The following SNTB2 variants were observed in gnomAD, a reference collection of about 807,000 sequenced individuals.
SNTB2 encodes the protein syntrophin beta 2.
In SNTB2, 34 loss-of-function variants were observed where a neutral mutation model predicts 46.2. The observed-to-expected ratio is 0.74, with a 90% confidence interval of 0.56 to 0.98. The LOEUF is 0.98. Among genes scored for constraint, SNTB2 ranks in the 50% least tolerant of loss-of-function variants. The pLI is 0.00. For missense variants in SNTB2, 603 were observed against 731.4 expected (o/e 0.82, Z 2.02); for synonymous variants, 290 against 312.6 (o/e 0.93, Z 0.76).
chr16:69,271,532 T>C (rs77746419), intron 4 of SNTB2, among the ~76,000 whole-genome samples: 2,227 of 152,324 alleles, frequency 0.015, 62 homozygotes, highest in African/African-American at 0.052. Flanking sequence ...CTTAGTTGAA[T>C]TAAATTATTT....
At chr16:69,263,795 A>T (rs1187856123) in intron 3 of SNTB2, among the ~76,000 whole-genome samples, 2 of 152,006 alleles carry the variant, frequency 1.3e-5, no homozygotes, top group Non-Finnish European at 2.9e-5. Flanking sequence ...AGTTTTTTTA[A>T]GCATTTGAGT....
intron 4 of SNTB2, 143 bp downstream of exon 4, chr16:69,270,428 T>G: frequency 8.9e-6 from 8 of 895,678 alleles, no homozygotes; most frequent in Non-Finnish European, 1.3e-5. Flanking sequence ...AAATTTTTTG[T>G]TTTACAACCT....
chr16:69,292,848 T>C (rs1965187767), intron 5 of SNTB2, among the ~76,000 whole-genome samples: 1 of 152,016 alleles, frequency 6.6e-6, no homozygotes, highest in Non-Finnish European at 1.5e-5. Context: ...GGGAGCTTCT[T>C]AGAACGCCAT....
At chr16:69,247,852 C>G (rs1964685597) in intron 2 of SNTB2, among the ~76,000 whole-genome samples, 1 of 152,186 alleles carries the variant, frequency 6.6e-6, no homozygotes, top group Non-Finnish European at 1.5e-5. Context: ...CACAATGGCT[C>G]ACATCTGTAA....
At chr16:69,257,715 G>GA (rs1334334089) in intron 2 of SNTB2, among the ~76,000 whole-genome samples, 2 of 152,154 alleles carry the variant, frequency 1.3e-5, no homozygotes, top group Non-Finnish European at 2.9e-5. Context: ...AAAGTGCTGG[G>GA]ATTACAGGCG....
At chr16:69,227,841 ATT>A (rs60387965) in intron 1 of SNTB2, among the ~76,000 whole-genome samples, 2,955 of 115,820 alleles carry the variant, frequency 0.026, 100 homozygotes, top group African/African-American at 0.083. Flanking sequence ...GTTTCTCTGG[ATT>A]TTTTTTTTTT....
intron 1 of SNTB2, among the ~76,000 whole-genome samples, chr16:69,222,973 G>A (rs1964421525): frequency 6.6e-6 from 1 of 151,668 alleles, no homozygotes; most frequent in South Asian, 2.1e-4. Flanking sequence ...TAGTAGAGAT[G>A]AGGTTTCACC....
At chr16:69,242,387 C>A (rs1466822461) in intron 1 of SNTB2, among the ~76,000 whole-genome samples, 2 of 152,060 alleles carry the variant, frequency 1.3e-5, no homozygotes, top group Non-Finnish European at 2.9e-5. Context: ...TGTGCCACTG[C>A]CCTGCAACCT....
At chr16:69,235,727 A>C in intron 1 of SNTB2, 1 of 1,288,634 alleles carries the variant, frequency 7.8e-7, no homozygotes, top group South Asian at 1.2e-5. Flanking sequence ...TAGTACCAGG[A>C]ATTTTTTTCT....
chr16:69,263,562 G>T (rs1441774209), intron 3 of SNTB2, among the ~76,000 whole-genome samples: 1 of 151,848 alleles, frequency 6.6e-6, no homozygotes, highest in East Asian at 1.9e-4. Flanking sequence ...GGGATTACAG[G>T]TGTGCGCCAC....
chr16:69,272,307 G>A (rs1964944453), intron 4 of SNTB2, among the ~76,000 whole-genome samples: 2 of 151,796 alleles, frequency 1.3e-5, no homozygotes, highest in South Asian at 2.1e-4. Context: ...TTGGGAGACC[G>A]AGGCAGGCCT....
chr16:69,217,920 T>C (rs768838763), intron 1 of SNTB2, among the ~76,000 whole-genome samples: 6 of 152,208 alleles, frequency 3.9e-5, no homozygotes, highest in Non-Finnish European at 8.8e-5. Context: ...GACTGAATTA[T>C]TACTGAGGTC....
intron 3 of SNTB2, among the ~76,000 whole-genome samples, chr16:69,269,716 A>C (rs991256032): frequency 6.6e-6 from 1 of 152,204 alleles, no homozygotes; most frequent in African/African-American, 2.4e-5. Context: ...TCCTATGTTT[A>C]GAAGATATTA....
At chr16:69,230,015 G>A (rs1015172324) in intron 1 of SNTB2, among the ~76,000 whole-genome samples, 1 of 151,762 alleles carries the variant, frequency 6.6e-6, no homozygotes, top group African/African-American at 2.4e-5. Context: ...TCGGACTCTT[G>A]GCCTGAAGCA....
At chr16:69,227,841 ATTTTTTTTT>A (rs60387965) in intron 1 of SNTB2, among the ~76,000 whole-genome samples, 6 of 115,902 alleles carry the variant, frequency 5.2e-5, no homozygotes, top group African/African-American at 1.3e-4. Flanking sequence ...GTTTCTCTGG[ATTTTTTTTT>A]TTTTTTTTTT....
At chr16:69,292,223 C>T (rs997445330) in intron 5 of SNTB2, among the ~76,000 whole-genome samples, 40 of 148,244 alleles carry the variant, frequency 2.7e-4, no homozygotes, top group African/African-American at 9.7e-4. Flanking sequence ...GGCGACAGAG[C>T]GAGACTCTGT....
At chr16:69,187,817 G>A (rs1002326522) in intron 1 of SNTB2, 71 bp downstream of exon 1, 2 of 1,234,274 alleles carry the variant, frequency 1.6e-6, no homozygotes, top group South Asian at 1.8e-5. Flanking sequence ...CTTTGTTCCT[G>A]CCCCGCCGGC....
intron 3 of SNTB2, among the ~76,000 whole-genome samples, chr16:69,267,993 A>T (rs1316186659): frequency 6.6e-6 from 1 of 152,214 alleles, no homozygotes; most frequent in Non-Finnish European, 1.5e-5. Context: ...CTGAGGAGGG[A>T]AAAGTTTTGA....
At chr16:69,236,453 A>C (rs554848691) in intron 1 of SNTB2, among the ~76,000 whole-genome samples, 23 of 152,260 alleles carry the variant, frequency 1.5e-4, no homozygotes, top group Middle Eastern at 3.4e-3. Flanking sequence ...AGAGTAGTCA[A>C]ATTCATAAGG....
Sources: gnomAD v4.1 joint callset for allele counts (sites outside exome capture counted in the v4.1 genomes callset) on GRCh38, gnomAD v4.1.1 for gene constraint, MANE v1.5 for transcripts, NCBI Gene and HGNC (gene_info 2026-07-23, HGNC 2026-07-21) for gene names.